Variants in OXR1 observed in about 807,000 individuals in gnomAD.
OXR1 encodes oxidation resistance 1, also known as oxidation resistance protein 1.
In OXR1, 41 loss-of-function variants were observed where a neutral mutation model predicts 104.6. That is an observed-to-expected ratio of 0.39 (90% CI 0.31 to 0.51). OXR1 has a LOEUF of 0.51. OXR1 is among the 20% of genes least tolerant of loss of function. The probability of loss-of-function intolerance (pLI) is 0.77; values close to 1 mark genes in which losing one functional copy is unlikely to be tolerated. For synonymous variants in OXR1, 348 were observed against 348.4 expected (o/e 1.00, Z 0.01); for missense variants, 955 against 1,031.9 (o/e 0.93, Z 1.02).
At chr8:106,474,634 C>A (rs1037006807) in intron 2 of OXR1, among the ~76,000 whole-genome samples, 1 of 151,886 alleles carries the variant, frequency 6.6e-6, no homozygotes, top group East Asian at 1.9e-4. Flanking sequence ...CAGCCATACT[C>A]ATTTGTGTAT....
chr8:106,281,236 C>CT (rs1812266645), intron 1 of OXR1, among the ~76,000 whole-genome samples: 1 of 152,116 alleles, frequency 6.6e-6, no homozygotes, highest in Non-Finnish European at 1.5e-5. Flanking sequence ...GGGCCTAAGA[C>CT]TAAGGTTGGA....
At chr8:106,378,242 GAC>G (rs1816988590) in intron 2 of OXR1, among the ~76,000 whole-genome samples, 1 of 152,180 alleles carries the variant, frequency 6.6e-6, no homozygotes, top group South Asian at 2.1e-4. Context: ...ATATCTTAGT[GAC>G]ACAGTGAAAC....
intron 4 of OXR1, chr8:106,682,460 G>A (rs1208964925): frequency 6.5e-6 from 1 of 153,234 alleles, no homozygotes; most frequent in African/African-American, 2.4e-5. Context: ...AATAGAGACG[G>A]GGTTTCACCG....
chr8:106,346,018 A>G (rs1023398962), intron 1 of OXR1, among the ~76,000 whole-genome samples: 3 of 152,314 alleles, frequency 2.0e-5, no homozygotes, highest in East Asian at 1.9e-4. Flanking sequence ...TTTTAAAACT[A>G]TGTAAGATAG....
At chr8:106,484,204 T>C (rs919761891) in intron 2 of OXR1, among the ~76,000 whole-genome samples, 1 of 151,756 alleles carries the variant, frequency 6.6e-6, no homozygotes, top group Non-Finnish European at 1.5e-5. Context: ...ATCCAAGATA[T>C]GCAAAATGCT....
At chr8:106,697,899 G>A in intron 7 of OXR1, 2 of 1,612,300 alleles carry the variant, frequency 1.2e-6, no homozygotes, top group African/African-American at 1.3e-5. Context: ...CATCCTTTCG[G>A]CACTGGGTGG....
intron 3 of OXR1, chr8:106,657,854 G>GC: frequency 8.1e-7 from 1 of 1,239,718 alleles, no homozygotes; most frequent in Non-Finnish European, 1.0e-6. Context: ...CCTCCTCCCC[G>GC]CCTCTTGTGA....
intron 10 of OXR1, among the ~76,000 whole-genome samples, chr8:106,712,586 C>T (rs765466076): frequency 6.6e-5 from 10 of 152,046 alleles, no homozygotes; most frequent in Non-Finnish European, 1.2e-4. Context: ...CCATCTTACA[C>T]GTTTGTGTAC....
intron 2 of OXR1, among the ~76,000 whole-genome samples, chr8:106,412,770 T>C (rs1006753486): frequency 6.6e-6 from 1 of 152,182 alleles, no homozygotes; most frequent in African/African-American, 2.4e-5. Flanking sequence ...TAGTTTTCTA[T>C]ATTTTCCAAA....
chr8:106,677,124 T>A (rs1450401005), intron 3 of OXR1, among the ~76,000 whole-genome samples: 1 of 152,248 alleles, frequency 6.6e-6, no homozygotes, highest in East Asian at 1.9e-4. Context: ...AGGAAGGGTA[T>A]ATTATTAGTT....
chr8:106,617,479 T>A (rs1012016086), intron 3 of OXR1, among the ~76,000 whole-genome samples: 3 of 152,154 alleles, frequency 2.0e-5, no homozygotes, highest in African/African-American at 7.2e-5. Context: ...TTATTACTAC[T>A]TTTATCCATT....
At chr8:106,495,367 T>C (rs991287112) in intron 2 of OXR1, among the ~76,000 whole-genome samples, 1 of 152,110 alleles carries the variant, frequency 6.6e-6, no homozygotes, top group Non-Finnish European at 1.5e-5. Context: ...GGCAATTCTA[T>C]AAATAGAGAG....
At chr8:106,653,000 A>C (rs1824726352) in intron 3 of OXR1, among the ~76,000 whole-genome samples, 1 of 150,986 alleles carries the variant, frequency 6.6e-6, no homozygotes, top group Admixed American at 6.6e-5. Flanking sequence ...AACAAATTAG[A>C]TGACTTACAT....
chr8:106,741,793 A>G (rs1002589912), intron 14 of OXR1, among the ~76,000 whole-genome samples: 1 of 152,176 alleles, frequency 6.6e-6, no homozygotes, highest in South Asian at 2.1e-4. Context: ...AATTTACTGT[A>G]TAATGATAAA....
At chr8:106,337,286 T>A (rs6469059) in intron 1 of OXR1, among the ~76,000 whole-genome samples, 2 of 151,936 alleles carry the variant, frequency 1.3e-5, no homozygotes, top group African/African-American at 2.4e-5. Context: ...GCTTACTGAC[T>A]AAAATTAAAA....
chr8:106,742,715 T>A, intron 15 of OXR1, among the ~76,000 whole-genome samples: 1 of 152,166 alleles, frequency 6.6e-6, no homozygotes, highest in African/African-American at 2.4e-5. Flanking sequence ...CCCTATTTAA[T>A]AAATTGTGCT....
intron 2 of OXR1, among the ~76,000 whole-genome samples, chr8:106,471,880 A>G (rs1821509958): frequency 6.6e-6 from 1 of 151,900 alleles, no homozygotes; most frequent in African/African-American, 2.4e-5. Flanking sequence ...GCATTGACGT[A>G]TGTCCTTTAC....
At chr8:106,492,228 C>T (rs2129867378) in intron 2 of OXR1, among the ~76,000 whole-genome samples, 1 of 152,292 alleles carries the variant, frequency 6.6e-6, no homozygotes, top group East Asian at 1.9e-4. Context: ...TACTTTCTGA[C>T]TGCTATTTAA....
chr8:106,629,649 G>T (rs576670988), intron 3 of OXR1, among the ~76,000 whole-genome samples: 8 of 152,250 alleles, frequency 5.3e-5, no homozygotes, highest in South Asian at 4.1e-4. Flanking sequence ...CACCAGTACA[G>T]AAATACTTCT....
Sources: allele counts gnomAD v4.1 joint callset (sites outside exome capture counted in the v4.1 genomes callset), GRCh38; gene constraint gnomAD v4.1.1; transcripts MANE v1.5; gene names NCBI Gene and HGNC (gene_info 2026-07-23, HGNC 2026-07-21).